Variants in RIMS2 observed in about 807,000 individuals in gnomAD.
RIMS2 encodes regulating synaptic membrane exocytosis protein 2.
In RIMS2, 59 loss-of-function variants were observed where a neutral mutation model predicts 174.4. The ratio of observed to expected loss-of-function variants is 0.34; its 90% CI spans 0.27 to 0.42. RIMS2 has a LOEUF of 0.42. Ranked by LOEUF, RIMS2 falls within the 10% of genes least tolerant of loss-of-function variation. The pLI, the probability that RIMS2 is intolerant of heterozygous loss-of-function variation, is 1.00. For synonymous variants in RIMS2, 606 were observed against 572.5 expected (o/e 1.06, Z -0.84); for missense variants, 1,620 against 1,666.3 (o/e 0.97, Z 0.48).
intron 3 of RIMS2, among the ~76,000 whole-genome samples, chr8:103,786,880 C>T (rs1387761983): frequency 6.6e-6 from 1 of 152,060 alleles, no homozygotes; most frequent in Non-Finnish European, 1.5e-5. Context: ...GTGTTAAAGT[C>T]TCCCATTATT....
intron 19 of RIMS2, among the ~76,000 whole-genome samples, chr8:104,045,978 A>C (rs995292884): frequency 1.1e-4 from 16 of 152,044 alleles, no homozygotes; most frequent in Admixed American, 7.9e-4. Flanking sequence ...AACTTCTAAA[A>C]ATTAATACAA....
intron 19 of RIMS2, among the ~76,000 whole-genome samples, chr8:104,037,215 T>A (rs1370367086): frequency 6.6e-6 from 1 of 152,144 alleles, no homozygotes; most frequent in Non-Finnish European, 1.5e-5. Context: ...TCCTACTAGG[T>A]TCTTACTTAG....
chr8:103,781,947 C>T (rs1281019178), intron 3 of RIMS2, among the ~76,000 whole-genome samples: 1 of 151,732 alleles, frequency 6.6e-6, no homozygotes, highest in Non-Finnish European at 1.5e-5. Context: ...GGGGTTTCAC[C>T]ATGTTGGTCA....
chr8:103,708,087 A>G (rs941736167), intron 2 of RIMS2, among the ~76,000 whole-genome samples: 1 of 152,214 alleles, frequency 6.6e-6, no homozygotes, highest in East Asian at 1.9e-4. Context: ...TACCACCAGA[A>G]GGTTTCATGC....
intron 1 of RIMS2, among the ~76,000 whole-genome samples, chr8:103,552,990 T>G (rs1180828258): frequency 6.6e-6 from 1 of 152,208 alleles, no homozygotes; most frequent in Non-Finnish European, 1.5e-5. Flanking sequence ...ACTTTTACAC[T>G]GTTGGTGGGA....
chr8:104,204,514 G>T (rs2099070514), intron 19 of RIMS2, among the ~76,000 whole-genome samples: 1 of 151,992 alleles, frequency 6.6e-6, no homozygotes, highest in South Asian at 2.1e-4. Context: ...AAATTTCTAT[G>T]GACAGTATTA....
intron 1 of RIMS2, among the ~76,000 whole-genome samples, chr8:103,680,047 C>T (rs2096860370): frequency 6.6e-6 from 1 of 151,978 alleles, no homozygotes; most frequent in South Asian, 2.1e-4. Flanking sequence ...TGGTGCTTTA[C>T]AGAAAAAGTT....
At chr8:103,969,466 G>A (rs1025837215) in intron 15 of RIMS2, among the ~76,000 whole-genome samples, 16 of 152,070 alleles carry the variant, frequency 1.1e-4, no homozygotes, top group East Asian at 3.9e-4. Context: ...TTTCTCAACC[G>A]TGTTCAGTCT....
chr8:103,944,635 A>C (rs1053460112), intron 14 of RIMS2, among the ~76,000 whole-genome samples: 8 of 152,080 alleles, frequency 5.3e-5, no homozygotes, highest in African/African-American at 1.9e-4. Flanking sequence ...TGTATGTGTC[A>C]TGGATTTTCA....
chr8:103,991,394 T>A (rs2094687531), intron 17 of RIMS2, among the ~76,000 whole-genome samples: 1 of 151,732 alleles, frequency 6.6e-6, no homozygotes. Context: ...TTTATTAACA[T>A]GAGGAATAAA....
chr8:103,611,120 T>G (rs927242700), intron 1 of RIMS2, among the ~76,000 whole-genome samples: 3 of 152,150 alleles, frequency 2.0e-5, no homozygotes, highest in Non-Finnish European at 4.4e-5. Flanking sequence ...TAGAGGTGTT[T>G]GTAGTAGTAG....
At chr8:104,188,062 A>T (rs1298560005) in intron 19 of RIMS2, among the ~76,000 whole-genome samples, 1 of 151,754 alleles carries the variant, frequency 6.6e-6, no homozygotes, top group Admixed American at 6.6e-5. Context: ...CACATATAAT[A>T]GTATTTATAG....
At chr8:103,672,749 A>G (rs1301970052) in intron 1 of RIMS2, among the ~76,000 whole-genome samples, 3 of 152,014 alleles carry the variant, frequency 2.0e-5, no homozygotes, top group African/African-American at 7.2e-5. Context: ...TCTCCAAACT[A>G]TATCATTCCA....
chr8:103,885,568 A>G (rs747295124), exon 4 of RIMS2: 2 of 1,612,830 alleles, frequency 1.2e-6, no homozygotes, highest in South Asian at 1.1e-5. Context: ...ACGAAAGGCA[A>G]AGGAGAGAGG....
At chr8:103,606,848 T>G (rs1486702006) in intron 1 of RIMS2, among the ~76,000 whole-genome samples, 3 of 151,576 alleles carry the variant, frequency 2.0e-5, no homozygotes, top group East Asian at 1.9e-4. Context: ...GTTTTCCATT[T>G]GCTTGGTAGA....
chr8:103,530,424 A>G (rs2130871504), intron 1 of RIMS2, among the ~76,000 whole-genome samples: 1 of 152,286 alleles, frequency 6.6e-6, no homozygotes, highest in Non-Finnish European at 1.5e-5. Context: ...AACACATTGA[A>G]TGTAAATGGA....
intron 2 of RIMS2, among the ~76,000 whole-genome samples, chr8:103,750,248 A>C (rs191138335): frequency 4.6e-5 from 7 of 152,296 alleles, no homozygotes; most frequent in Non-Finnish European, 8.8e-5. Flanking sequence ...TTCAAAAAGT[A>C]TCATAATTCC....
intron 1 of RIMS2, among the ~76,000 whole-genome samples, chr8:103,560,561 A>G (rs570173660): frequency 1.3e-5 from 2 of 152,176 alleles, no homozygotes; most frequent in South Asian, 4.1e-4. Flanking sequence ...CAAACATTTA[A>G]CTATGCTTAC....
intron 13 of RIMS2, among the ~76,000 whole-genome samples, chr8:103,938,618 C>T (rs945296959): frequency 1.3e-5 from 2 of 152,132 alleles, no homozygotes; most frequent in Non-Finnish European, 2.9e-5. Flanking sequence ...CATGCCTTCC[C>T]AATAGTCTCC....
Sources: allele counts gnomAD v4.1 joint callset (sites outside exome capture counted in the v4.1 genomes callset), GRCh38; gene constraint gnomAD v4.1.1; transcripts MANE v1.5; gene names NCBI Gene and HGNC (gene_info 2026-07-23, HGNC 2026-07-21).